The following ACOX2 variants were observed in gnomAD, a reference collection of about 807,000 sequenced individuals.
ACOX2 encodes acyl-CoA oxidase 2.
ACOX2 carries 59 observed loss-of-function variants against 77.5 expected under a neutral mutation model. The ratio of observed to expected loss-of-function variants is 0.76; its 90% confidence interval spans 0.62 to 0.95. ACOX2 has a LOEUF of 0.95. Among genes scored for constraint, ACOX2 ranks in the 40% least tolerant of loss-of-function variants. The probability of loss-of-function intolerance (pLI) is 0.00; values close to 1 mark genes in which losing one functional copy is unlikely to be tolerated. For missense variants in ACOX2, 837 were observed against 880.4 expected (o/e 0.95, Z 0.62); for synonymous variants, 317 against 340.1 (o/e 0.93, Z 0.75).
At position 58,519,813 on chromosome 3, in the gene ACOX2, G is replaced by A. The variant is rs1387707626; in HGVS notation, c.1633-2390C>T. Among the ~76,000 whole-genome samples, 4 of 152,262 alleles carry A rather than the reference G, an allele frequency of 2.6e-5. No individual in the cohort carries two copies. Among genetic ancestry groups the A allele is most frequent in the Non-Finnish European group, 2.9e-5 (2 of 68,046 alleles). On this transcript the variant is annotated intron_variant, in intron 12 of 14. Transcript: ENST00000302819. This position sits in a 1 kb window ranked among gnomAD's most constrained non-coding sequence, Gnocchi z 5.0. Reference sequence around the variant, plus strand: ...ATTTGGCTGTGGAAGGTGAGCAGATGTGCTGTGTTGCCTCTGCTGGCTCCA... The same window carrying A: ...ATTTGGCTGTGGAAGGTGAGCAGATATGCTGTGTTGCCTCTGCTGGCTCCA...
rs781551808 is a variant in ACOX2 at position 58,526,583 on chromosome 3, C to T, written c.1229G>A (p.Arg410Lys). 1.2e-6 allele frequency: 2 copies of T among 1,614,232 alleles called. No homozygotes were observed. Among genetic ancestry groups the T allele is most frequent in the Non-Finnish European group, 1.7e-6 (2 of 1,180,040 alleles). The change falls in exon 10 of 15, where the codon AGG becomes AAG. Residue 410 changes from arginine to lysine, a missense_variant. Coordinates refer to ENST00000302819, the MANE Select transcript of ACOX2 (RefSeq NM_003500.4). The surrounding 1 kb of genome is among the most constrained non-coding windows in gnomAD (Gnocchi z 4.3). ...FCTQGAEMCR[R>K]ACGGHGYSKL... The stretch of plus-strand genomic sequence containing the variant: ...TGAGTAGCCATGTCCGCCACAGGCC[C>T]TGCGGCACATCTCAGCTCCCTGGGT...
intron 12 of ACOX2, among the ~76,000 whole-genome samples, chr3:58,517,952 G>A (rs1441753729): frequency 6.6e-6 from 1 of 151,748 alleles, no homozygotes; most frequent in Non-Finnish European, 1.5e-5. Flanking sequence ...GTGCATGCCT[G>A]TAATCCCAGC....
chr3:58,525,507 G>C lies in ACOX2; in HGVS notation c.1347-902C>G, dbSNP rs1023429207. 6.6e-6 allele frequency among the ~76,000 whole-genome samples: 1 copy of C among 152,224 alleles called. No individual in the cohort carries two copies. Among genetic ancestry groups the C allele is most frequent in the Non-Finnish European group, 1.5e-5 (1 of 68,040 alleles). On this transcript the variant is annotated intron_variant, in intron 10 of 14. Coordinates refer to ENST00000302819, the MANE Select transcript of ACOX2 (RefSeq NM_003500.4). This position sits in a 1 kb window ranked among gnomAD's most constrained non-coding sequence, Gnocchi z 5.0. ...CATTGCTTGGAGCCTCTGTGTGCAG[G>C]CTCTGCACCAAGCTTAGGCGATGCT...
rs1217578508 is a variant in ACOX2, at chr3:58,526,137, T to C, written c.1346+329A>G. 6.6e-6 allele frequency among the ~76,000 whole-genome samples: 1 copy of C among 152,158 alleles called. No individual in the cohort carries two copies. The highest frequency in any genetic ancestry group is 2.4e-5 in the African/African-American group (1 of 41,444). On this transcript the variant is annotated intron_variant, in intron 10 of 14. Transcript: ENST00000302819. The surrounding 1 kb of genome is among the most constrained non-coding windows in gnomAD (Gnocchi z 4.3). Reference sequence around the variant, plus strand: ...CACAGCATAGAATATGTCATTTTCCTATGAGCACTGGGAAGCCGTTGAAGA... The same window carrying C: ...CACAGCATAGAATATGTCATTTTCCCATGAGCACTGGGAAGCCGTTGAAGA...
rs2063460269 is a variant in ACOX2 at position 58,534,052 on chromosome 3, G to T, written c.417C>A (p.Asp139Glu). The change falls in exon 4 of 15, where the codon GAC becomes GAA. Residue 139 changes from aspartate (D) to glutamate (E), a missense_variant. Coordinates refer to ENST00000302819, the MANE Select transcript of ACOX2 (RefSeq NM_003500.4). The surrounding 1 kb of genome is among the most constrained non-coding windows in gnomAD (Gnocchi z 4.8). Reference sequence around the variant, plus strand: ...TGATCTGGATGTTTTTGCAGAGTGGGTCCCATTTGGCAATCTGCTCCTCTG... The same window carrying T: ...TGATCTGGATGTTTTTGCAGAGTGGTTCCCATTTGGCAATCTGCTCCTCTG... ...LGSEEQIAKW[D>E]PLCKNIQIIA... 1 of 1,614,156 alleles carries T rather than the reference G, an allele frequency of 6.2e-7. No homozygotes were observed.
chr3:58,525,648 A>C lies in ACOX2; in HGVS notation c.1346+818T>G, dbSNP rs2063388888. Among the ~76,000 whole-genome samples, 1 of 152,224 alleles carries C rather than the reference A, an allele frequency of 6.6e-6. No homozygotes were observed. The highest frequency in any genetic ancestry group is 1.5e-5 in the Non-Finnish European group (1 of 68,036). ...CAATGATAGATTGTGAAACTGCTCC[A>C]AAGGAAACAAGGCCATGTTGGGTGG... is the stretch of plus-strand genomic sequence containing the variant. On this transcript the variant is annotated intron_variant, in intron 10 of 14. Coordinates refer to ENST00000302819, the MANE Select transcript of ACOX2 (RefSeq NM_003500.4). This position sits in a 1 kb window ranked among gnomAD's most constrained non-coding sequence, Gnocchi z 5.0.
rs2063315959 is a variant in ACOX2, at chr3:58,515,433, T to A, written c.1850+1773A>T. 6.6e-6 allele frequency among the ~76,000 whole-genome samples: 1 copy of A among 152,186 alleles called. No individual in the cohort carries two copies. The highest frequency in any genetic ancestry group is 2.1e-4 in the South Asian group (1 of 4,838). Reference sequence around the variant, plus strand: ...ATAAAAGGAATTTGGTCTAGTTTTTTAAAAACCTGTCTTAAAATCTTATTT... The same window carrying A: ...ATAAAAGGAATTTGGTCTAGTTTTTAAAAAACCTGTCTTAAAATCTTATTT... On this transcript the variant is annotated intron_variant, in intron 13 of 14. Coordinates refer to ENST00000302819, the MANE Select transcript of ACOX2 (RefSeq NM_003500.4). This position sits in a 1 kb window ranked among gnomAD's most constrained non-coding sequence, Gnocchi z 4.0.
intron 13 of ACOX2, 131 bp from the exon 14 acceptor site, chr3:58,509,156 T>C (rs2063257892): frequency 1.8e-6 from 2 of 1,100,566 alleles, no homozygotes; most frequent in Non-Finnish European, 2.6e-6. Context: ...TCAGCATTTT[T>C]TTTTAGTTTT....
rs1274850705 is a variant in ACOX2, at chr3:58,535,975, T to C, written c.-91-778A>G. Among the ~76,000 whole-genome samples, 1 of 152,138 alleles carries C rather than the reference T, an allele frequency of 6.6e-6. No homozygotes were observed. Among genetic ancestry groups the C allele is most frequent in the African/African-American group, 2.4e-5 (1 of 41,422 alleles). ...TTACTTGGCCTCAGTGTTCCTCTTA[T>C]TTGTTCTCCCAGCTGCCAGGTGAAC... On this transcript the variant is annotated intron_variant, in intron 1 of 14. Coordinates refer to ENST00000302819, the MANE Select transcript of ACOX2 (RefSeq NM_003500.4). The surrounding 1 kb of genome is among the most constrained non-coding windows in gnomAD (Gnocchi z 4.8).
At chr3:58,536,399 T>C (rs1385479164) in intron 1 of ACOX2, among the ~76,000 whole-genome samples, 1 of 152,196 alleles carries the variant, frequency 6.6e-6, no homozygotes, top group Non-Finnish European at 1.5e-5. Flanking sequence ...ACTGCTGTTA[T>C]TACCATTTTA....
Position 58,534,477 on chromosome 3 carries a change from T to G in ACOX2, c.206A>C (p.Tyr69Ser), listed in dbSNP as rs761848002. The G allele has an allele frequency of 1.2e-6, 2 of 1,614,022 alleles. No individual in the cohort carries two copies. The highest frequency in any genetic ancestry group is 2.2e-5 in the South Asian group (2 of 91,080). The change falls in exon 3 of 15, where the codon TAT becomes TCT. Residue 69 changes from tyrosine to serine, a missense_variant. Tyr to Ser is a moderately radical substitution (Grantham distance 144). Transcript: ENST00000302819. This position sits in a 1 kb window ranked among gnomAD's most constrained non-coding sequence, Gnocchi z 4.8. ...ATAACGCTCATTCTGGGTCATGAAA[T>G]AATTGTCCTTACAGCTAAACTCCGG... The part of the protein sequence containing the change: ...SYPEFSCKDN[Y>S]FMTQNERYKA...
rs551683903 is a variant in ACOX2 at position 58,525,751 on chromosome 3, G to A, written c.1346+715C>T. On this transcript the variant is annotated intron_variant, in intron 10 of 14. Transcript: ENST00000302819. This position sits in a 1 kb window ranked among gnomAD's most constrained non-coding sequence, Gnocchi z 5.0. ...GAAGTGAGCAGAGGTGGCTGGGTGC[G>A]GTGGCTTGTGCCTGTAATCCCAGCA... Among the ~76,000 whole-genome samples the A allele has an allele frequency of 4.1e-4, 62 of 152,306 alleles. No individual in the cohort carries two copies. Among genetic ancestry groups the A allele is most frequent in the African/African-American group, 1.3e-3 (53 of 41,568 alleles).
chr3:58,524,713 G>T lies in ACOX2; in HGVS notation c.1347-108C>A. On this transcript the variant is annotated intron_variant, in intron 10 of 14. Coordinates refer to ENST00000302819, the MANE Select transcript of ACOX2 (RefSeq NM_003500.4). The surrounding 1 kb of genome is among the most constrained non-coding windows in gnomAD (Gnocchi z 5.5). The stretch of plus-strand genomic sequence containing the variant: ...GCTCATGCTAGGTTCCAGCCTTCCC[G>T]TGGGAGAGCCAGGTCACCAGGCCTC... 7.9e-7 allele frequency: 1 copy of T among 1,262,900 alleles called. No individual in the cohort carries two copies. Among genetic ancestry groups the T allele is most frequent in the Admixed American group, 2.3e-5 (1 of 44,042 alleles). The allele number at this position is 1,262,900 out of a possible 1,614,324, so 78.2% of individuals were successfully genotyped here.
At chr3:58,527,866 ATT>A (rs34861027) in intron 9 of ACOX2, among the ~76,000 whole-genome samples, 147 of 131,946 alleles carry the variant, frequency 1.1e-3, no homozygotes, top group East Asian at 1.8e-3. Context: ...CTAATTTTTC[ATT>A]TTTTTTTTTT....
At position 58,510,693 on chromosome 3, in the gene ACOX2, TATATATATATATATATACACACACAC is replaced by T. The variant is rs1289638358; in HGVS notation, c.1851-1694_1851-1669del. Among the ~76,000 whole-genome samples, 95 of 17,726 alleles carry T rather than the reference TATATATATATATATATACACACACAC, an allele frequency of 5.4e-3. 9 individuals carry two copies. The highest frequency in any genetic ancestry group is 7.2e-3 in the Non-Finnish European group (77 of 10,722). 11.6% of individuals were successfully genotyped at this position (17,726 alleles called of 152,430 possible). A position where few individuals can be genotyped will look rare whatever the true frequency, so the allele number is the denominator to read the frequency against. ...ATATATATATATATATATATATATATATATATATATATATATACACACACACACACACACACACACACACACACTCA... is the reference window on the plus strand; with the variant it reads ...ATATATATATATATATATATATATATACACACACACACACACACACACTCA... On this transcript the variant is annotated intron_variant, in intron 13 of 14. Transcript: ENST00000302819.
intron 13 of ACOX2, among the ~76,000 whole-genome samples, chr3:58,516,954 A>G (rs1019296253): frequency 1.3e-5 from 2 of 152,312 alleles, no homozygotes; most frequent in African/African-American, 2.4e-5. Context: ...TACTATTCCT[A>G]TTTCCTTGAC....
chr3:58,518,005 G>T, intron 12 of ACOX2, among the ~76,000 whole-genome samples: 1 of 150,096 alleles, frequency 6.7e-6, no homozygotes, highest in Admixed American at 6.6e-5. Context: ...AACCCAGGAG[G>T]CGGAGGTTGC....
At position 58,530,593 on chromosome 3, in the gene ACOX2, T is replaced by C; in HGVS notation, c.865A>G (p.Asn289Asp). Residue 289 changes from asparagine (N) to aspartate (D), a missense_variant, in exon 8 of 15, where the codon AAC becomes GAC. Transcript: ENST00000302819. ...CGCACCACCACCATGGGAAGGTAGT[T>C]GCTCTGTGCTGTACCGAGTTTGACG... ...TYVKLGTAQS[N>D]YLPMVVVRVE... is the part of the protein sequence containing the mutation. 6.2e-7 allele frequency: 1 copy of C among 1,614,216 alleles called. No homozygotes were observed.
At position 58,531,226 on chromosome 3, in the gene ACOX2, TC is replaced by T. The variant is rs1232837219; in HGVS notation, c.819+24del. The T allele has an allele frequency of 1.2e-6, 2 of 1,600,096 alleles. No homozygotes were observed. Among genetic ancestry groups the T allele is most frequent in the Non-Finnish European group, 1.7e-6 (2 of 1,170,396 alleles). ...AGGTCCCCTCTCCAGGAAGTACAAGTCCCCGGCCTCCCCAGATCTGTAACCT... is the reference window on the plus strand; with the variant it reads ...AGGTCCCCTCTCCAGGAAGTACAAGTCCCGGCCTCCCCAGATCTGTAACCT... On this transcript the variant is annotated intron_variant, in intron 7 of 14. Coordinates refer to ENST00000302819, the MANE Select transcript of ACOX2 (RefSeq NM_003500.4). The surrounding 1 kb of genome is among the most constrained non-coding windows in gnomAD (Gnocchi z 5.8).
Sources: gnomAD v4.1 joint callset for allele counts (sites outside exome capture counted in the v4.1 genomes callset) on GRCh38, gnomAD v4.1.1 for gene constraint, Gnocchi (gnomAD v3.1) non-coding constraint, MANE v1.5 for transcripts, NCBI Gene and HGNC (gene_info 2026-07-23, HGNC 2026-07-21) for gene names.